The following CDH12 variants were observed in gnomAD, a reference collection of about 807,000 sequenced individuals.
The protein encoded by CDH12 is cadherin 12, also known as cadherin-12.
In CDH12, 41 loss-of-function variants were observed where a neutral mutation model predicts 74.1. That is an observed-to-expected ratio of 0.55 (90% CI 0.43 to 0.72). The LOEUF (loss-of-function observed/expected upper bound fraction) is 0.72. CDH12 is among the 30% of genes least tolerant of loss of function. CDH12 has a pLI of 0.00. For missense variants in CDH12, 945 were observed against 977.2 expected (o/e 0.97, Z 0.44); for synonymous variants, 399 against 355.0 (o/e 1.12, Z -1.39).
intron 3 of CDH12, among the ~76,000 whole-genome samples, chr5:22,325,676 G>A (rs888319263): frequency 1.3e-5 from 2 of 152,106 alleles, no homozygotes; most frequent in Admixed American, 1.3e-4. Context: ...CACAAGGTCA[G>A]GAGATCGAGA....
intron 4 of CDH12, among the ~76,000 whole-genome samples, chr5:22,093,393 T>A (rs969078794): frequency 2.0e-5 from 3 of 152,178 alleles, no homozygotes; most frequent in Non-Finnish European, 2.9e-5. Context: ...AAGTCTACAT[T>A]TAGCTCATTT....
At chr5:22,323,309 T>C (rs1259970477) in intron 3 of CDH12, among the ~76,000 whole-genome samples, 1 of 152,084 alleles carries the variant, frequency 6.6e-6, no homozygotes, top group African/African-American at 2.4e-5. Flanking sequence ...AAATTTATAT[T>C]AGATAAAAAC....
At chr5:22,455,607 G>A (rs1745232218) in intron 2 of CDH12, among the ~76,000 whole-genome samples, 1 of 151,998 alleles carries the variant, frequency 6.6e-6, no homozygotes, top group Non-Finnish European at 1.5e-5. Flanking sequence ...CATAAATATG[G>A]GTTTATGGAT....
At chr5:22,763,779 T>C (rs1746354552) in intron 1 of CDH12, among the ~76,000 whole-genome samples, 1 of 151,940 alleles carries the variant, frequency 6.6e-6, no homozygotes, top group African/African-American at 2.4e-5. Flanking sequence ...GAGTGATCAT[T>C]TCATTTCTAA....
At chr5:22,392,584 T>G (rs1200523287) in intron 3 of CDH12, among the ~76,000 whole-genome samples, 3 of 152,206 alleles carry the variant, frequency 2.0e-5, no homozygotes, top group Admixed American at 6.5e-5. Context: ...TAAGCATTAT[T>G]TAGTTGTTCC....
At chr5:22,781,649 T>C (rs545947945) in intron 1 of CDH12, among the ~76,000 whole-genome samples, 136 of 152,318 alleles carry the variant, frequency 8.9e-4, no homozygotes, top group Middle Eastern at 3.4e-3. Flanking sequence ...AATTGCCCCC[T>C]AATAGGTTCT....
chr5:22,619,168 A>T (rs891278839), intron 1 of CDH12, among the ~76,000 whole-genome samples: 1 of 152,024 alleles, frequency 6.6e-6, no homozygotes, highest in Non-Finnish European at 1.5e-5. Context: ...ATCCATGAGG[A>T]CTTTTGTTCA....
intron 2 of CDH12, among the ~76,000 whole-genome samples, chr5:22,499,076 T>A (rs1747230521): frequency 6.6e-6 from 1 of 151,416 alleles, no homozygotes; most frequent in South Asian, 2.1e-4. Flanking sequence ...GCTAATTTTT[T>A]TTTTTTTTGG....
chr5:22,004,943 A>G (rs1736850871), intron 5 of CDH12, among the ~76,000 whole-genome samples: 1 of 152,136 alleles, frequency 6.6e-6, no homozygotes, highest in African/African-American at 2.4e-5. Context: ...AATGGCCTCC[A>G]GCTCTATCTG....
At chr5:22,140,466 G>A (rs529455053) in intron 4 of CDH12, among the ~76,000 whole-genome samples, 7 of 151,948 alleles carry the variant, frequency 4.6e-5, no homozygotes, top group South Asian at 4.2e-4. Context: ...GTTTCCTTTC[G>A]CATTCATCCA....
chr5:22,326,527 G>A (rs1048487959), intron 3 of CDH12, among the ~76,000 whole-genome samples: 1 of 152,144 alleles, frequency 6.6e-6, no homozygotes, highest in Non-Finnish European at 1.5e-5. Flanking sequence ...GAGCCACCGC[G>A]CCCGGCCTCC....
intron 1 of CDH12, among the ~76,000 whole-genome samples, chr5:22,648,066 G>C (rs1212827409): frequency 6.6e-6 from 1 of 151,760 alleles, no homozygotes; most frequent in Non-Finnish European, 1.5e-5. Flanking sequence ...ACTTTGTTAT[G>C]ATTTAGAGTG....
At chr5:22,764,937 G>A (rs567561169) in intron 1 of CDH12, among the ~76,000 whole-genome samples, 160 of 152,082 alleles carry the variant, frequency 1.1e-3, no homozygotes, top group African/African-American at 3.8e-3. Context: ...CCCAGAAGGA[G>A]GGATTAGCAT....
chr5:22,668,423 A>C (rs773154351), intron 1 of CDH12, among the ~76,000 whole-genome samples: 1 of 152,192 alleles, frequency 6.6e-6, no homozygotes, highest in Non-Finnish European at 1.5e-5. Context: ...CATTGCTTAT[A>C]ATAGAATACC....
chr5:22,022,367 G>A (rs1226106407), intron 5 of CDH12, among the ~76,000 whole-genome samples: 1 of 152,092 alleles, frequency 6.6e-6, no homozygotes, highest in Non-Finnish European at 1.5e-5. Flanking sequence ...CTCTCCTGCA[G>A]CCATGTGAAT....
At chr5:21,816,646 A>AAAAAAAAAAAAAAAAAAC (rs1318470300) in intron 9 of CDH12, among the ~76,000 whole-genome samples, 1 of 144,410 alleles carries the variant, frequency 6.9e-6, no homozygotes, top group African/African-American at 2.5e-5. Flanking sequence ...AAAAAAAAAA[A>AAAAAAAAAAAAAAAAAAC]AAAAAAAGAA....
At chr5:22,596,050 G>A (rs952011425) in intron 1 of CDH12, among the ~76,000 whole-genome samples, 1 of 151,536 alleles carries the variant, frequency 6.6e-6, no homozygotes, top group Non-Finnish European at 1.5e-5. Flanking sequence ...AGAGCTTGCA[G>A]TGAGCCGAGA....
At chr5:22,758,536 GT>G (rs796728010) in intron 1 of CDH12, among the ~76,000 whole-genome samples, 11,999 of 143,952 alleles carry the variant, frequency 0.083, 538 homozygotes, top group Middle Eastern at 0.11. Context: ...TTGATTTATA[GT>G]TTTTTTTTTT....
chr5:21,764,849 T>C (rs1554027695), intron 12 of CDH12, 129 bp downstream of exon 12: 1 of 843,324 alleles, frequency 1.2e-6, no homozygotes, highest in Non-Finnish European at 1.9e-6. Flanking sequence ...TAATCTTTTA[T>C]GGTTTCTTTT....
Sources: allele counts gnomAD v4.1 joint callset (sites outside exome capture counted in the v4.1 genomes callset), GRCh38; gene constraint gnomAD v4.1.1; transcripts MANE v1.5; gene names NCBI Gene and HGNC (gene_info 2026-07-23, HGNC 2026-07-21).